The following CATSPERB variants were observed in gnomAD, a reference collection of about 807,000 sequenced individuals.
The protein encoded by CATSPERB is cation channel sperm-associated auxiliary subunit beta.
CATSPERB carries 93 observed loss-of-function variants against 128.3 expected under a neutral mutation model. The observed-to-expected ratio is 0.72, with a 90% CI of 0.61 to 0.86. CATSPERB has a LOEUF of 0.86. Ranked by LOEUF, CATSPERB falls within the 40% of genes least tolerant of loss-of-function variation. The pLI is 0.00. For synonymous variants in CATSPERB, 381 were observed against 448.8 expected, an observed-to-expected ratio of 0.85 and a Z score of 1.91; for missense variants, 1,153 against 1,329.5, an observed-to-expected ratio of 0.87 and a Z score of 2.06.
Position 91,721,604 on chromosome 14 carries a change from C to T in CATSPERB, c.309+1445G>A, listed in dbSNP as rs565254729. Among the ~76,000 whole-genome samples the T allele has an allele frequency of 2.4e-3, 367 of 152,168 alleles. 1 individual carries two copies. Among genetic ancestry groups the T allele is most frequent in the Non-Finnish European group, 4.0e-3 (275 of 67,984 alleles). On this transcript the variant is annotated intron_variant, in intron 4 of 26. Transcript: ENST00000256343. The stretch of plus-strand genomic sequence containing the variant: ...ATGGCTCATGCCTGTAATCCCAGCA[C>T]TTTGGGAGGCCGAGGCTGGCGGATC...
chr14:91,597,388 A>C (rs1893526293), intron 22 of CATSPERB, among the ~76,000 whole-genome samples: 1 of 152,190 alleles, frequency 6.6e-6, no homozygotes, highest in East Asian at 1.9e-4. Context: ...AAACCCTAAG[A>C]AAAACAGCCC....
At position 91,719,485 on chromosome 14, in the gene CATSPERB, T is replaced by A; in HGVS notation, c.310-7A>T. 6.2e-7 allele frequency: 1 copy of A among 1,606,456 alleles called. No individual in the cohort carries two copies. Among genetic ancestry groups the A allele is most frequent in the Non-Finnish European group, 8.5e-7 (1 of 1,175,036 alleles). Reference sequence around the variant, plus strand: ...ACAAAATCCGATCACTGAACTTGAATAAAGAAGACATCAGAAAACAATGTT... The same window carrying A: ...ACAAAATCCGATCACTGAACTTGAAAAAAGAAGACATCAGAAAACAATGTT... On this transcript the variant is annotated splice_region_variant and splice_polypyrimidine_tract_variant and intron_variant, in intron 4 of 26. Transcript: ENST00000256343.
At chr14:91,602,778 C>T (rs1893627933) in intron 22 of CATSPERB, among the ~76,000 whole-genome samples, 1 of 152,156 alleles carries the variant, frequency 6.6e-6, no homozygotes, top group Non-Finnish European at 1.5e-5. Context: ...TTGCTTCATC[C>T]ATGTTGTCAT....
At chr14:91,603,587 A>G (rs1420334330) in intron 22 of CATSPERB, among the ~76,000 whole-genome samples, 1 of 152,144 alleles carries the variant, frequency 6.6e-6, no homozygotes, top group Non-Finnish European at 1.5e-5. Context: ...CTGCCCTCAG[A>G]AGAGAGGTTT....
intron 22 of CATSPERB, among the ~76,000 whole-genome samples, chr14:91,599,783 C>T (rs1336388041): frequency 1.3e-5 from 2 of 152,008 alleles, no homozygotes; most frequent in African/African-American, 2.4e-5. Context: ...AGGGAGCTTC[C>T]AGGTCACAGA....
intron 22 of CATSPERB, among the ~76,000 whole-genome samples, chr14:91,599,296 C>T (rs1893566521): frequency 6.6e-6 from 1 of 152,144 alleles, no homozygotes; most frequent in Admixed American, 6.5e-5. Context: ...CACGATGGCT[C>T]ACGCTGTAAT....
intron 5 of CATSPERB, among the ~76,000 whole-genome samples, chr14:91,714,555 CTTTTTT>C (rs56965295): frequency 5.7e-5 from 5 of 88,020 alleles, no homozygotes; most frequent in African/African-American, 1.9e-4. Context: ...CCATAAACTA[CTTTTTT>C]TTTTTTTTTT....
chr14:91,599,373 C>T (rs1397631211), intron 22 of CATSPERB, among the ~76,000 whole-genome samples: 2 of 151,872 alleles, frequency 1.3e-5, no homozygotes, highest in African/African-American at 4.8e-5. Flanking sequence ...TCCTGGCTAA[C>T]GCGGTGAAAC....
At chr14:91,617,385 T>C (rs926248021) in intron 20 of CATSPERB, among the ~76,000 whole-genome samples, 2 of 152,202 alleles carry the variant, frequency 1.3e-5, no homozygotes, top group Admixed American at 6.5e-5. Context: ...AATATATAAG[T>C]AATTACTAAA....
intron 10 of CATSPERB, among the ~76,000 whole-genome samples, chr14:91,685,668 G>T (rs1170785880): frequency 6.6e-6 from 1 of 152,192 alleles, no homozygotes; most frequent in East Asian, 1.9e-4. Context: ...GTCAGGGAGG[G>T]ATTTCTGAAG....
chr14:91,592,362 C>T (rs905868970), intron 22 of CATSPERB: 12 of 287,288 alleles, frequency 4.2e-5, no homozygotes, highest in Non-Finnish European at 6.6e-5. Context: ...AAATGAGTGG[C>T]CTTGATAATG....
In CATSPERB at chr14:91,617,678, C is replaced by G. The variant is rs1162373622; in HGVS notation, c.2319G>C (p.Leu773Phe). The stretch of plus-strand genomic sequence containing the variant: ...CAAAAGTCACTTCAGCTGTAACTTC[C>G]AACAAATTAGGGTTTCCAACAAACA... ...LTVFVGNPNL[L>F]EVTAEVTFDD... The change falls in exon 20 of 27, where the codon TTG becomes TTC. Residue 773 changes from leucine (L) to phenylalanine (F), a missense_variant. Transcript: ENST00000256343. The G allele has an allele frequency of 6.2e-7, 1 of 1,600,208 alleles. No homozygotes were observed. Among genetic ancestry groups the G allele is most frequent in the Non-Finnish European group, 8.5e-7 (1 of 1,175,158 alleles).
chr14:91,672,736 A>G (rs777002133), intron 13 of CATSPERB, 131 bp downstream of exon 13: 1 of 664,604 alleles, frequency 1.5e-6, no homozygotes, highest in African/African-American at 1.9e-5. Context: ...ATTGATTTTA[A>G]ATAATTTTGC....
intron 4 of CATSPERB, among the ~76,000 whole-genome samples, chr14:91,720,516 T>C (rs1896010477): frequency 6.6e-6 from 1 of 151,654 alleles, no homozygotes; most frequent in Admixed American, 6.6e-5. Context: ...ATATTAGAAA[T>C]AAATTTAACA....
intron 23 of CATSPERB, among the ~76,000 whole-genome samples, chr14:91,591,684 GTAT>G: frequency 6.6e-6 from 1 of 152,082 alleles, no homozygotes; most frequent in Non-Finnish European, 1.5e-5. Flanking sequence ...GGTAGTGCAG[GTAT>G]TATTGTTTTA....
intron 26 of CATSPERB, among the ~76,000 whole-genome samples, chr14:91,583,743 C>T (rs2139753185): frequency 6.6e-6 from 1 of 152,128 alleles, no homozygotes; most frequent in Admixed American, 6.5e-5. Context: ...AAGAAATTAA[C>T]ATTAAGACAA....
intron 15 of CATSPERB, among the ~76,000 whole-genome samples, chr14:91,656,732 T>A (rs561154741): frequency 1.4e-4 from 22 of 152,130 alleles, no homozygotes; most frequent in East Asian, 1.2e-3. Flanking sequence ...GGATTTTTTT[T>A]AAAAAGTCCC....
intron 7 of CATSPERB, among the ~76,000 whole-genome samples, chr14:91,697,643 C>T (rs1366573908): frequency 6.6e-6 from 1 of 152,112 alleles, no homozygotes; most frequent in Non-Finnish European, 1.5e-5. Context: ...AGGGTCTTTT[C>T]CCTAATGCTT....
At chr14:91,716,457 A>G (rs1895941407) in intron 5 of CATSPERB, among the ~76,000 whole-genome samples, 1 of 152,118 alleles carries the variant, frequency 6.6e-6, no homozygotes. Context: ...GCGTATCTGT[A>G]ATCCTGGCTA....
Sources: allele counts gnomAD v4.1 joint callset (sites outside exome capture counted in the v4.1 genomes callset), GRCh38; gene constraint gnomAD v4.1.1; transcripts MANE v1.5; gene names NCBI Gene and HGNC (gene_info 2026-07-23, HGNC 2026-07-21).